The following PRKCE variants were observed in gnomAD, a reference collection of about 807,000 sequenced individuals.
PRKCE encodes protein kinase C epsilon type.
PRKCE carries 16 observed loss-of-function variants against 85.4 expected under a neutral mutation model. That is an observed-to-expected ratio of 0.19 (90% confidence interval 0.13 to 0.28). The LOEUF is 0.28. PRKCE is among the 10% of genes least tolerant of loss of function. PRKCE has a pLI of 1.00. For synonymous variants in PRKCE, 388 were observed against 371.5 expected, an observed-to-expected ratio of 1.04 and a Z score of -0.51; for missense variants, 573 against 975.2, an observed-to-expected ratio of 0.59 and a Z score of 5.49.
chr2:45,968,066 GTT>G (rs1701850037), intron 2 of PRKCE, among the ~76,000 whole-genome samples: 1 of 152,196 alleles, frequency 6.6e-6, no homozygotes, highest in Admixed American at 6.5e-5. Context: ...GATCATGCAT[GTT>G]GGCAAGTCTG....
chr2:45,961,570 A>C (rs1269398799), intron 2 of PRKCE, among the ~76,000 whole-genome samples: 1 of 152,164 alleles, frequency 6.6e-6, no homozygotes, highest in African/African-American at 2.4e-5. Flanking sequence ...GCACCTGGGG[A>C]CAGGCAGAGA....
chr2:45,935,920 C>A (rs1373764874), intron 2 of PRKCE, among the ~76,000 whole-genome samples: 1 of 152,222 alleles, frequency 6.6e-6, no homozygotes, highest in Non-Finnish European at 1.5e-5. Context: ...ACACTGGAGT[C>A]CTGGAGTGCA....
chr2:46,128,788 C>T (rs571178168), intron 11 of PRKCE, among the ~76,000 whole-genome samples: 4 of 152,304 alleles, frequency 2.6e-5, no homozygotes, highest in Non-Finnish European at 4.4e-5. Flanking sequence ...TAACCACACA[C>T]CTAAAGACCT....
intron 14 of PRKCE, among the ~76,000 whole-genome samples, chr2:46,180,973 T>G (rs1486669911): frequency 1.3e-5 from 2 of 152,172 alleles, no homozygotes; most frequent in African/African-American, 2.4e-5. Context: ...TTGTTCCCTG[T>G]GTCCCACTGT....
intron 1 of PRKCE, among the ~76,000 whole-genome samples, chr2:45,816,427 T>C (rs1558704661): frequency 6.6e-6 from 1 of 152,144 alleles, no homozygotes; most frequent in African/African-American, 2.4e-5. Context: ...TGAGACAGCA[T>C]GGGCTTCATC....
At position 45,928,068 on chromosome 2, in the gene PRKCE, C is replaced by G. The variant is rs552333178; in HGVS notation, c.413-48361C>G. On this transcript the variant is annotated intron_variant, in intron 2 of 14. Coordinates refer to ENST00000306156, the MANE Select transcript of PRKCE (RefSeq NM_005400.3). ...AAGATAGTACCCCTAGCACTAAACT[C>G]CTTGACTTCAAGGATTCCCTTTCAC... 2.6e-5 allele frequency among the ~76,000 whole-genome samples: 4 copies of G among 152,192 alleles called. No homozygotes were observed. The East Asian group carries it at 7.7e-4, about 29-fold the overall frequency.
At chr2:45,710,407 C>G (rs571288807) in intron 1 of PRKCE, among the ~76,000 whole-genome samples, 22 of 152,362 alleles carry the variant, frequency 1.4e-4, no homozygotes, top group Admixed American at 1.4e-3. Context: ...TCCATACATC[C>G]TCCAGAGTCT....
At chr2:45,999,693 TA>T (rs1397361543) in intron 6 of PRKCE, among the ~76,000 whole-genome samples, 2 of 152,182 alleles carry the variant, frequency 1.3e-5, no homozygotes, top group South Asian at 2.1e-4. Context: ...CAAATATTAA[TA>T]TTTTTTTCTG....
chr2:45,935,021 A>G (rs1348230765), intron 2 of PRKCE, among the ~76,000 whole-genome samples: 1 of 151,710 alleles, frequency 6.6e-6, no homozygotes, highest in African/African-American at 2.4e-5. Flanking sequence ...TGATCATACT[A>G]CTGCACTCCA....
At chr2:46,169,469 C>G (rs925260210) in intron 14 of PRKCE, among the ~76,000 whole-genome samples, 1 of 152,180 alleles carries the variant, frequency 6.6e-6, no homozygotes, top group Non-Finnish European at 1.5e-5. Context: ...TTAACAGCAG[C>G]TTTCTTGGAG....
chr2:45,761,886 AAAAGCAGAGTCCAGGTCTCCTTGTTTTT>A (rs1423909890), intron 1 of PRKCE, among the ~76,000 whole-genome samples: 5 of 152,134 alleles, frequency 3.3e-5, no homozygotes, highest in Non-Finnish European at 7.4e-5. Context: ...CAAGAATCAT[AAAAGCAGAGTCCAGGTCTCCTTGTTTTT>A]AAAGCCTCCT....
At chr2:45,782,260 T>G (rs1686247841) in intron 1 of PRKCE, among the ~76,000 whole-genome samples, 1 of 152,156 alleles carries the variant, frequency 6.6e-6, no homozygotes, top group Non-Finnish European at 1.5e-5. Flanking sequence ...AGTGCCCATT[T>G]CCTGGGAATG....
At chr2:45,847,983 A>G (rs1331040325) in intron 2 of PRKCE, among the ~76,000 whole-genome samples, 1 of 152,218 alleles carries the variant, frequency 6.6e-6, no homozygotes, top group East Asian at 1.9e-4. Context: ...CTCAAATCCC[A>G]GCAGGTTAAT....
At chr2:45,879,843 C>T (rs1694753132) in intron 2 of PRKCE, among the ~76,000 whole-genome samples, 1 of 152,200 alleles carries the variant, frequency 6.6e-6, no homozygotes, top group Non-Finnish European at 1.5e-5. Flanking sequence ...GGATAATTAG[C>T]ATATCCACAA....
rs190868151 is a variant in PRKCE at position 46,010,248 on chromosome 2, A to C, written c.1264-96A>C. On this transcript the variant is annotated intron_variant, in intron 9 of 14. Coordinates refer to ENST00000306156, the MANE Select transcript of PRKCE (RefSeq NM_005400.3). The stretch of plus-strand genomic sequence containing the variant: ...TTATAATATTTAAAATTAAAGAAAA[A>C]ACAGAATTCGTTTTTGAAGTATTTG... 3.2e-4 allele frequency: 419 copies of C among 1,330,040 alleles called. 7 individuals carry two copies. In the East Asian group the frequency reaches 1.0e-2, roughly 32 times the overall value. 82.4% of individuals were successfully genotyped at this position (1,330,040 alleles called of 1,614,324 possible). A position where few individuals can be genotyped will look rare whatever the true frequency, so the allele number is the denominator to read the frequency against.
At chr2:45,820,150 C>T (rs138346622) in intron 1 of PRKCE, among the ~76,000 whole-genome samples, 1 of 152,282 alleles carries the variant, frequency 6.6e-6, no homozygotes, top group East Asian at 1.9e-4. Context: ...CATCACGGCG[C>T]ATCAGCTTTT....
At chr2:46,090,707 C>A (rs988427659) in intron 11 of PRKCE, among the ~76,000 whole-genome samples, 1 of 151,818 alleles carries the variant, frequency 6.6e-6, no homozygotes, top group African/African-American at 2.4e-5. Flanking sequence ...TTATGAGGAC[C>A]CTGTGGTCTG....
chr2:46,075,509 G>A (rs1465877507), intron 10 of PRKCE, among the ~76,000 whole-genome samples: 25 of 152,030 alleles, frequency 1.6e-4, no homozygotes, highest in Admixed American at 1.6e-3. Flanking sequence ...GGGAGGCCAA[G>A]GTGGGCAGAT....
chr2:46,017,888 G>A (rs1706300207), intron 10 of PRKCE, among the ~76,000 whole-genome samples: 1 of 152,168 alleles, frequency 6.6e-6, no homozygotes, highest in African/African-American at 2.4e-5. Flanking sequence ...TGGAATAAAG[G>A]TTTCCCAACA....
Sources: allele counts gnomAD v4.1 joint callset (sites outside exome capture counted in the v4.1 genomes callset), GRCh38; gene constraint gnomAD v4.1.1; transcripts MANE v1.5; gene names NCBI Gene and HGNC (gene_info 2026-07-23, HGNC 2026-07-21).